TMEM131L: variants seen among roughly 807,000 people sequenced by gnomAD.
TMEM131L encodes the protein transmembrane protein 131-like.
Under a neutral mutation model 192.2 loss-of-function variants are expected in TMEM131L, and 54 were observed. The observed-to-expected ratio is 0.28, with a 90% CI of 0.23 to 0.35. The LOEUF is 0.35. Among genes scored for constraint, TMEM131L ranks in the 10% least tolerant of loss-of-function variants. TMEM131L has a pLI of 1.00. For synonymous variants in TMEM131L, 701 were observed against 704.9 expected (o/e 0.99, Z 0.09); for missense variants, 1,888 against 1,972.9 (o/e 0.96, Z 0.82).
intron 19 of TMEM131L, among the ~76,000 whole-genome samples, chr4:153,595,680 C>G (rs1344751324): frequency 6.7e-6 from 1 of 148,694 alleles, no homozygotes. Flanking sequence ...AGAATTAAAC[C>G]TTGGATACTA....
intron 11 of TMEM131L, among the ~76,000 whole-genome samples, chr4:153,583,965 G>A (rs1173244424): frequency 1.3e-5 from 2 of 152,196 alleles, no homozygotes; most frequent in Non-Finnish European, 2.9e-5. Flanking sequence ...TATGCAGGCT[G>A]TTTTTGAGGG....
chr4:153,616,286 G>A (rs997801678), intron 26 of TMEM131L, among the ~76,000 whole-genome samples: 1 of 152,144 alleles, frequency 6.6e-6, no homozygotes, highest in African/African-American at 2.4e-5. Context: ...TCCTGTCTCT[G>A]TGACTCACTC....
chr4:153,609,794 C>T (rs1732488812), intron 25 of TMEM131L, among the ~76,000 whole-genome samples: 1 of 152,092 alleles, frequency 6.6e-6, no homozygotes, highest in African/African-American at 2.4e-5. Context: ...ATTAGGACAC[C>T]AGGAGAGTAA....
At chr4:153,503,913 A>AT (rs1733782515) in intron 3 of TMEM131L, among the ~76,000 whole-genome samples, 1 of 152,226 alleles carries the variant, frequency 6.6e-6, no homozygotes, top group Admixed American at 6.5e-5. Flanking sequence ...TTCAACGTAT[A>AT]TTGAAGCCTT....
chr4:153,474,112 C>T (rs1731359165), intron 3 of TMEM131L, among the ~76,000 whole-genome samples: 1 of 152,256 alleles, frequency 6.6e-6, no homozygotes, highest in African/African-American at 2.4e-5. Flanking sequence ...TCCTTCGCCA[C>T]TCACCAATTT....
intron 3 of TMEM131L, among the ~76,000 whole-genome samples, chr4:153,494,179 G>T (rs1281864571): frequency 6.6e-6 from 1 of 152,152 alleles, no homozygotes; most frequent in African/African-American, 2.4e-5. Context: ...CTATGTGAAA[G>T]AAACTGTTAA....
intron 3 of TMEM131L, among the ~76,000 whole-genome samples, chr4:153,501,261 A>G (rs1212505659): frequency 7.1e-6 from 1 of 140,878 alleles, no homozygotes; most frequent in Non-Finnish European, 1.5e-5. Flanking sequence ...GCTGGAGTGC[A>G]GTGGCGCGAT....
intron 3 of TMEM131L, among the ~76,000 whole-genome samples, chr4:153,523,868 C>G (rs1054699392): frequency 6.6e-6 from 1 of 152,198 alleles, no homozygotes; most frequent in Non-Finnish European, 1.5e-5. Flanking sequence ...GTACCCCATA[C>G]TCAGGGTGAT....
At chr4:153,569,251 GC>G (rs1019523359) in intron 7 of TMEM131L, among the ~76,000 whole-genome samples, 1 of 152,184 alleles carries the variant, frequency 6.6e-6, no homozygotes, top group African/African-American at 2.4e-5. Context: ...CCGATTTCCA[GC>G]CCTGTGCTTT....
At chr4:153,594,770 C>T (rs943601710) in intron 19 of TMEM131L, among the ~76,000 whole-genome samples, 10 of 152,110 alleles carry the variant, frequency 6.6e-5, no homozygotes, top group African/African-American at 2.4e-4. Flanking sequence ...CAGCACTGGG[C>T]GAGTTGGGGG....
rs560617329 is a variant in TMEM131L at position 153,629,040 on chromosome 4, T to G, written c.4207+1353T>G. ...CCATTGTTACAGTCATTTCCTCGAC[T>G]CCTCTCCCTTTATTGCAAAGCCCCA... On this transcript the variant is annotated intron_variant, in intron 31 of 34. Transcript: ENST00000409959. 2.4e-3 allele frequency among the ~76,000 whole-genome samples: 361 copies of G among 152,248 alleles called. 1 individual carries two copies. The highest frequency in any genetic ancestry group is 0.02 in the Middle Eastern group (6 of 294).
chr4:153,475,116 C>G (rs140187311), intron 3 of TMEM131L, among the ~76,000 whole-genome samples: 1 of 152,310 alleles, frequency 6.6e-6, no homozygotes, highest in African/African-American at 2.4e-5. Context: ...AGCCCCAATC[C>G]TGCTGTTGGC....
In TMEM131L at chr4:153,622,978, G is replaced by A. The variant is rs754748153; in HGVS notation, c.3940G>A (p.Gly1314Ser). 1.7e-5 allele frequency: 27 copies of A among 1,614,106 alleles called. No homozygotes were observed. Among genetic ancestry groups the A allele is most frequent in the East Asian group, 1.1e-4 (5 of 44,898 alleles). ...CAGCTCTGACTGTGGGAGCTCCTCT[G>A]GCAGCGTGCGTGCCAGCCGGGGCAG... ...DSSSDCGSSS[G>S]SVRASRGSWG... The change falls in exon 29 of 35, where the codon GGC (glycine) becomes AGC (serine). Residue 1314 changes from glycine (G) to serine (S), a missense_variant. By Grantham distance (56) the Gly-to-Ser change is moderately conservative. Transcript: ENST00000409959.
At chr4:153,574,887 C>T (rs76097968) in intron 7 of TMEM131L, among the ~76,000 whole-genome samples, 8,600 of 152,166 alleles carry the variant, frequency 0.057, 366 homozygotes, top group Non-Finnish European at 0.083. Context: ...TGCGCCCGGC[C>T]GAGATTTACT....
chr4:153,554,839 A>G (rs1030021760), intron 4 of TMEM131L, among the ~76,000 whole-genome samples: 16 of 152,256 alleles, frequency 1.1e-4, no homozygotes, highest in Middle Eastern at 3.2e-3. Context: ...TTAAGTGATT[A>G]GAGGGAGCAT....
chr4:153,513,321 TCTCTA>T (rs1179288561), intron 3 of TMEM131L, among the ~76,000 whole-genome samples: 2 of 152,348 alleles, frequency 1.3e-5, no homozygotes, highest in Admixed American at 6.5e-5. Context: ...TGGCTCAGGT[TCTCTA>T]CTCAGTAGGA....
chr4:153,605,923 C>T (rs185652779), intron 25 of TMEM131L, among the ~76,000 whole-genome samples: 39 of 152,326 alleles, frequency 2.6e-4, no homozygotes, highest in Admixed American at 2.1e-3. Flanking sequence ...TGCACACATG[C>T]ATTCTTGGTG....
chr4:153,598,665 A>G lies in TMEM131L; in HGVS notation c.2199A>G (p.Arg733=). 6.2e-7 allele frequency: 1 copy of G among 1,613,912 alleles called. No homozygotes were observed. Among genetic ancestry groups the G allele is most frequent in the Non-Finnish European group, 8.5e-7 (1 of 1,179,916 alleles). The part of the protein sequence containing the change: ...GARELLKVGG[R]LPGAGGSLRF... ...GAGAGTTATTAAAAGTGGGTGGAAG[A>G]CTTCCTGGTGCAGGAGGCTCACTCC... Residue 733 remains arginine, a synonymous_variant, in exon 21 of 35, where the codon AGA becomes AGG. Transcript: ENST00000409959.
In TMEM131L at chr4:153,592,598, T is replaced by C; in HGVS notation, c.1922+14T>C. On this transcript the variant is annotated intron_variant, in intron 18 of 34. Transcript: ENST00000409959. ...GCTCCACAGATGGTATGAAGACTTTTTTTCTGAGAGGCAGTTTGGGAAGTA... is the reference window on the plus strand; with the variant it reads ...GCTCCACAGATGGTATGAAGACTTTCTTTCTGAGAGGCAGTTTGGGAAGTA... The C allele has an allele frequency of 6.4e-7, 1 of 1,553,974 alleles. No individual in the cohort carries two copies. The highest frequency in any genetic ancestry group is 1.1e-5 in the South Asian group (1 of 89,940).
Sources: allele counts gnomAD v4.1 joint callset (sites outside exome capture counted in the v4.1 genomes callset), GRCh38; gene constraint gnomAD v4.1.1; transcripts MANE v1.5; gene names NCBI Gene and HGNC (gene_info 2026-07-23, HGNC 2026-07-21).